The following PLXNA4 variants were observed in gnomAD, a reference collection of about 807,000 sequenced individuals.
PLXNA4 encodes the protein plexin A4.
A neutral mutation model predicts 191.8 loss-of-function variants in PLXNA4; 44 were observed. That is an observed-to-expected ratio of 0.23 (90% confidence interval 0.18 to 0.29). PLXNA4 has a LOEUF of 0.29. Among genes scored for constraint, PLXNA4 ranks in the 10% least tolerant of loss-of-function variants. PLXNA4 has a pLI of 1.00. For synonymous variants in PLXNA4, 1,082 were observed against 1,009.5 expected (o/e 1.07, Z -1.36); for missense variants, 1,800 against 2,488.8 (o/e 0.72, Z 5.89).
intron 3 of PLXNA4, chr7:132,484,888 G>C: frequency 6.2e-7 from 1 of 1,614,194 alleles, no homozygotes. Flanking sequence ...ATATTGCTTT[G>C]TGACTTGAGC....
At chr7:132,482,908 G>A (rs2117488321) in intron 3 of PLXNA4, among the ~76,000 whole-genome samples, 1 of 152,114 alleles carries the variant, frequency 6.6e-6, no homozygotes, top group East Asian at 1.9e-4. Flanking sequence ...GGTCATGCTG[G>A]TCTTGAACTC....
chr7:132,380,321 T>C (rs987836555), intron 3 of PLXNA4, among the ~76,000 whole-genome samples: 1 of 152,082 alleles, frequency 6.6e-6, no homozygotes, highest in Non-Finnish European at 1.5e-5. Context: ...CAAGGAGGCA[T>C]ATTTACCCAA....
At chr7:132,173,689 C>T (rs1796362294) in intron 21 of PLXNA4, among the ~76,000 whole-genome samples, 1 of 152,236 alleles carries the variant, frequency 6.6e-6, no homozygotes, top group Non-Finnish European at 1.5e-5. Context: ...GACATTCCCT[C>T]AGGTGTCGGT....
chr7:132,226,539 A>G (rs930984281), intron 7 of PLXNA4, among the ~76,000 whole-genome samples: 1 of 152,248 alleles, frequency 6.6e-6, no homozygotes, highest in Non-Finnish European at 1.5e-5. Context: ...TGCATGCATG[A>G]TGTCCTGCCC....
In PLXNA4 at chr7:132,259,436, C is replaced by CAAAAAAAAAAAAAAAAAAAAAAAA. The variant is rs55902635; in HGVS notation, c.1504-18294_1504-18271dup. 1.2e-3 allele frequency among the ~76,000 whole-genome samples: 40 copies of CAAAAAAAAAAAAAAAAAAAAAAAA among 33,870 alleles called. 1 individual carries two copies. The highest frequency in any genetic ancestry group is 2.9e-3 in the African/African-American group (27 of 9,232). 22.2% of individuals were successfully genotyped at this position (33,870 alleles called of 152,430 possible). On this transcript the variant is annotated intron_variant, in intron 4 of 31. Transcript: ENST00000321063. ...GGGCAACAAGAGCAAAACTCCAACT[C>CAAAAAAAAAAAAAAAAAAAAAAAA]AAAAAAAAAAAAAAAAAAAAAAAAA... is the stretch of plus-strand genomic sequence containing the variant.
At chr7:132,245,838 G>C (rs1046386017) in intron 4 of PLXNA4, among the ~76,000 whole-genome samples, 11 of 152,180 alleles carry the variant, frequency 7.2e-5, no homozygotes, top group African/African-American at 2.7e-4. Flanking sequence ...AGACATAAAA[G>C]GACAAATACT....
chr7:132,594,979 A>T (rs1352618380), intron 2 of PLXNA4, among the ~76,000 whole-genome samples: 4,915 of 38,830 alleles, frequency 0.13, 92 homozygotes, highest in South Asian at 0.25. Flanking sequence ...GATAGATAAT[A>T]GATAGATAGA....
chr7:132,552,957 C>A (rs6467442), intron 1 of PLXNA4, among the ~76,000 whole-genome samples: 134,605 of 152,118 alleles, frequency 0.88, 60,811 homozygotes, highest in East Asian at 1. Flanking sequence ...TGCCAGGAGG[C>A]AGGGGATTGG....
intron 12 of PLXNA4, among the ~76,000 whole-genome samples, chr7:132,201,459 G>C (rs142518120): frequency 1.4e-4 from 22 of 152,278 alleles, no homozygotes; most frequent in Non-Finnish European, 2.6e-4. Context: ...ATCATATACT[G>C]TGTGCATTTG....
chr7:132,268,501 A>G (rs1366940977), intron 4 of PLXNA4, among the ~76,000 whole-genome samples: 1 of 152,154 alleles, frequency 6.6e-6, no homozygotes, highest in Admixed American at 6.5e-5. Flanking sequence ...TGGTCTGCTC[A>G]TGAGACACTT....
intron 3 of PLXNA4, among the ~76,000 whole-genome samples, chr7:132,401,333 G>A (rs561480946): frequency 4.6e-5 from 7 of 152,290 alleles, no homozygotes; most frequent in African/African-American, 7.2e-5. Flanking sequence ...AAAAAAATGC[G>A]CTTCCAGTGT....
At chr7:132,321,977 A>G (rs118162849) in intron 3 of PLXNA4, among the ~76,000 whole-genome samples, 1,815 of 152,284 alleles carry the variant, frequency 0.012, 17 homozygotes, top group Non-Finnish European at 0.016. Context: ...TTTTGTCCCA[A>G]TCACCAAATT....
At chr7:132,280,404 A>C (rs1361447698) in intron 4 of PLXNA4, among the ~76,000 whole-genome samples, 1 of 152,174 alleles carries the variant, frequency 6.6e-6, no homozygotes, top group African/African-American at 2.4e-5. Context: ...GAGAAAAGGC[A>C]AACCCTACAC....
In PLXNA4 at chr7:132,507,894, G is replaced by C; in HGVS notation, c.800C>G (p.Pro267Arg). 1.2e-6 allele frequency: 2 copies of C among 1,614,160 alleles called. No individual in the cohort carries two copies. The highest frequency in any genetic ancestry group is 1.7e-6 in the Non-Finnish European group (2 of 1,180,024). ...LTLQPEMVSPPGSTTKEQVYT... is the reference protein window; with the variant it reads ...LTLQPEMVSPRGSTTKEQVYT... ...CACCTGCTCCTTGGTGGTGGAGCCT[G>C]GTGGAGACACCATCTCAGGTTGGAG... Residue 267 changes from proline (P) to arginine (R), a missense_variant, in exon 2 of 32, where the codon CCA becomes CGA. Coordinates refer to ENST00000321063, the MANE Select transcript of PLXNA4 (RefSeq NM_020911.2).
At chr7:132,423,074 C>G (rs141076811) in intron 3 of PLXNA4, among the ~76,000 whole-genome samples, 1 of 152,196 alleles carries the variant, frequency 6.6e-6, no homozygotes, top group Non-Finnish European at 1.5e-5. Context: ...GCATGGAATT[C>G]GTTACACGAC....
At chr7:132,175,280 T>A (rs1456009137) in intron 20 of PLXNA4, among the ~76,000 whole-genome samples, 1 of 151,814 alleles carries the variant, frequency 6.6e-6, no homozygotes, top group Non-Finnish European at 1.5e-5. Flanking sequence ...GGGAGGGGGA[T>A]GTAGAGGGAT....
At chr7:132,484,587 T>C (rs1187853012) in intron 3 of PLXNA4, among the ~76,000 whole-genome samples, 5 of 152,260 alleles carry the variant, frequency 3.3e-5, no homozygotes, top group Admixed American at 6.5e-5. Context: ...CAATCACACA[T>C]GAACCCATGG....
At position 132,576,313 on chromosome 7, in the gene PLXNA4, C is replaced by T; in HGVS notation, c.-87+109G>A. The T allele has an allele frequency of 2.4e-6, 2 of 828,684 alleles. No individual in the cohort carries two copies. Among genetic ancestry groups the T allele is most frequent in the South Asian group, 1.1e-4 (2 of 18,312 alleles). The allele number at this position is 828,684 out of a possible 1,614,324, so 51.3% of individuals were successfully genotyped here. ...CCTGCGTGTGTGCGTGTGCGTGTGC[C>T]GCGGGCTGGCTCCGGGACACTGAGG... On this transcript the variant is annotated intron_variant, in intron 1 of 31. Coordinates refer to ENST00000321063, the MANE Select transcript of PLXNA4 (RefSeq NM_020911.2). This position sits in a 1 kb window ranked among gnomAD's most constrained non-coding sequence, Gnocchi z 5.8.
At chr7:132,613,857 T>C (rs780235823) in intron 2 of PLXNA4, among the ~76,000 whole-genome samples, 2 of 151,974 alleles carry the variant, frequency 1.3e-5, no homozygotes, top group Non-Finnish European at 2.9e-5. Context: ...GAAAAAAAAG[T>C]AAAAGAAAAA....
Sources: gnomAD v4.1 joint callset for allele counts (sites outside exome capture counted in the v4.1 genomes callset) on GRCh38, gnomAD v4.1.1 for gene constraint, Gnocchi (gnomAD v3.1) non-coding constraint, MANE v1.5 for transcripts, NCBI Gene and HGNC (gene_info 2026-07-23, HGNC 2026-07-21) for gene names.